Variants in CNTN3 observed in about 807,000 individuals in gnomAD.
CNTN3 encodes the protein contactin 3.
CNTN3 carries 60 observed loss-of-function variants against 119.1 expected under a neutral mutation model. The ratio of observed to expected loss-of-function variants is 0.50; its 90% confidence interval spans 0.41 to 0.62. The LOEUF is 0.62. Ranked by LOEUF, CNTN3 falls within the 20% of genes least tolerant of loss-of-function variation. CNTN3 has a pLI of 0.00. For missense variants in CNTN3, 1,101 were observed against 1,242.4 expected, an observed-to-expected ratio of 0.89 and a Z score of 1.71; for synonymous variants, 450 against 438.7, an observed-to-expected ratio of 1.03 and a Z score of -0.32.
intron 1 of CNTN3, among the ~76,000 whole-genome samples, chr3:74,605,163 T>C (rs1439341658): frequency 1.3e-5 from 2 of 152,068 alleles, no homozygotes; most frequent in African/African-American, 4.8e-5. Flanking sequence ...TAGGGAGATG[T>C]TGGTCAAAGG....
At chr3:74,368,382 AAG>A (rs1477855417) in intron 8 of CNTN3, among the ~76,000 whole-genome samples, 1 of 152,106 alleles carries the variant, frequency 6.6e-6, no homozygotes, top group Admixed American at 6.6e-5. Context: ...TACCTTTGAC[AAG>A]AGTGGTCAAT....
intron 13 of CNTN3, among the ~76,000 whole-genome samples, chr3:74,307,979 C>T (rs1232748938): frequency 6.6e-6 from 1 of 152,126 alleles, no homozygotes; most frequent in Non-Finnish European, 1.5e-5. Flanking sequence ...ATTAATCATT[C>T]ATTCCTTCAC....
chr3:74,448,513 G>C (rs1307339969), intron 4 of CNTN3, among the ~76,000 whole-genome samples: 1 of 152,108 alleles, frequency 6.6e-6, no homozygotes, highest in Non-Finnish European at 1.5e-5. Context: ...GTAGCATGTA[G>C]AGTGTAATAA....
intron 11 of CNTN3, among the ~76,000 whole-genome samples, chr3:74,354,477 T>C (rs1389965930): frequency 2.0e-5 from 3 of 152,146 alleles, no homozygotes; most frequent in Admixed American, 1.3e-4. Context: ...TCTTTTTCAA[T>C]GTTAGTTTCC....
chr3:74,489,629 C>T (rs1702926202), intron 3 of CNTN3, among the ~76,000 whole-genome samples: 1 of 149,044 alleles, frequency 6.7e-6, no homozygotes, highest in Admixed American at 6.7e-5. Flanking sequence ...TTCCCACCCC[C>T]ACCCCTCCGC....
chr3:74,395,364 TATACACACACAC>T (rs889129542), intron 5 of CNTN3, among the ~76,000 whole-genome samples: 3 of 136,530 alleles, frequency 2.2e-5, no homozygotes, highest in Non-Finnish European at 4.9e-5. Context: ...GTTATATCTT[TATACACACACAC>T]ATACACACAC....
chr3:74,325,889 C>T (rs545020075), intron 13 of CNTN3, among the ~76,000 whole-genome samples: 1 of 152,074 alleles, frequency 6.6e-6, no homozygotes, highest in African/African-American at 2.4e-5. Context: ...TGAGCTAATA[C>T]CCCCAGAATA....
chr3:74,328,345 T>C (rs970206443), intron 13 of CNTN3, among the ~76,000 whole-genome samples: 1 of 152,230 alleles, frequency 6.6e-6, no homozygotes, highest in African/African-American at 2.4e-5. Context: ...AAAAAATTTA[T>C]CCTTTTTGCT....
chr3:74,383,629 T>C (rs1704677061), intron 5 of CNTN3, among the ~76,000 whole-genome samples: 1 of 152,054 alleles, frequency 6.6e-6, no homozygotes, highest in East Asian at 1.9e-4. Flanking sequence ...GGGACCACAG[T>C]GCATGCCATG....
At chr3:74,374,861 T>C (rs1042435644) in intron 5 of CNTN3, among the ~76,000 whole-genome samples, 1 of 152,182 alleles carries the variant, frequency 6.6e-6, no homozygotes, top group African/African-American at 2.4e-5. Flanking sequence ...AGGAGGTCTA[T>C]CTCAGAGTGG....
Position 74,461,061 on chromosome 3 carries a change from T to C in CNTN3, c.358+25395A>G, listed in dbSNP as rs190598408. Among the ~76,000 whole-genome samples, 8 of 151,792 alleles carry C rather than the reference T, an allele frequency of 5.3e-5. No homozygotes were observed. The East Asian group carries it at 5.8e-4, about 11-fold the overall frequency. On this transcript the variant is annotated intron_variant, in intron 4 of 22. Transcript: ENST00000263665. ...TGAGAAATGTTATCATGTATAGGTA[T>C]TGAATTTTATCAAAGGCTTTTTACT...
At chr3:74,355,514 G>T (rs1462658224) in intron 11 of CNTN3, among the ~76,000 whole-genome samples, 4 of 151,924 alleles carry the variant, frequency 2.6e-5, no homozygotes, top group Admixed American at 2.6e-4. Context: ...GAGTGCAGTG[G>T]CAAGGTCTCG....
At chr3:74,266,411 C>A in intron 22 of CNTN3, 70 bp downstream of exon 22, 1 of 1,408,786 alleles carries the variant, frequency 7.1e-7, no homozygotes, top group South Asian at 1.3e-5. Flanking sequence ...CAGAGGGATA[C>A]TGATTGACTC....
intron 3 of CNTN3, among the ~76,000 whole-genome samples, chr3:74,491,386 C>T (rs904924491): frequency 1.3e-5 from 2 of 151,870 alleles, no homozygotes; most frequent in Non-Finnish European, 2.9e-5. Context: ...GCTTGTAGTC[C>T]CAGCTACTCG....
intron 2 of CNTN3, among the ~76,000 whole-genome samples, chr3:74,514,189 T>C (rs768569467): frequency 3.3e-5 from 5 of 152,122 alleles, no homozygotes; most frequent in Non-Finnish European, 5.9e-5. Context: ...TGATACAAAA[T>C]TGGACAACTG....
chr3:74,412,948 AG>A (rs1316602847), intron 5 of CNTN3, among the ~76,000 whole-genome samples: 5 of 152,324 alleles, frequency 3.3e-5, no homozygotes, highest in African/African-American at 1.2e-4. Flanking sequence ...AAAAACTGAA[AG>A]GAAGACCACA....
intron 1 of CNTN3, among the ~76,000 whole-genome samples, chr3:74,589,965 G>C (rs989151722): frequency 1.5e-5 from 2 of 132,812 alleles, no homozygotes; most frequent in East Asian, 2.6e-4. Context: ...TGTGGGGTGG[G>C]GGGGAGGGGG....
intron 2 of CNTN3, among the ~76,000 whole-genome samples, chr3:74,506,636 A>C (rs1037933194): frequency 6.6e-6 from 1 of 151,792 alleles, no homozygotes; most frequent in African/African-American, 2.4e-5. Flanking sequence ...GCTTAATAGC[A>C]ACCCCACATG....
intron 19 of CNTN3, among the ~76,000 whole-genome samples, chr3:74,292,757 T>C (rs1210372727): frequency 1.3e-5 from 2 of 152,188 alleles, no homozygotes; most frequent in Non-Finnish European, 2.9e-5. Flanking sequence ...AGTGGTAGAA[T>C]TGGGATTTGC....
Sources: allele counts gnomAD v4.1 joint callset (sites outside exome capture counted in the v4.1 genomes callset), GRCh38; gene constraint gnomAD v4.1.1; transcripts MANE v1.5; gene names NCBI Gene and HGNC (gene_info 2026-07-23, HGNC 2026-07-21).